The following ELMO2 variants were observed in gnomAD, a reference collection of about 807,000 sequenced individuals.
The protein encoded by ELMO2 is engulfment and cell motility protein 2.
Under a neutral mutation model 96.2 loss-of-function variants are expected in ELMO2, and 37 were observed. The observed-to-expected ratio is 0.38, with a 90% CI of 0.30 to 0.51. ELMO2 has a LOEUF of 0.51. ELMO2 is among the 20% of genes least tolerant of loss of function. The probability of loss-of-function intolerance (pLI) is 0.88; values close to 1 mark genes in which losing one functional copy is unlikely to be tolerated. For missense variants in ELMO2, 561 were observed against 912.6 expected, an observed-to-expected ratio of 0.61 and a Z score of 4.96; for synonymous variants, 315 against 329.4, an observed-to-expected ratio of 0.96 and a Z score of 0.47.
Position 46,388,950 on chromosome 20 carries a change from T to C in ELMO2, c.425+89A>G, listed in dbSNP as rs773260383. The C allele has an allele frequency of 1.2e-4, 162 of 1,400,148 alleles. 1 individual carries two copies. Among genetic ancestry groups the C allele is most frequent in the Non-Finnish European group, 1.4e-4 (147 of 1,022,280 alleles). 86.7% of individuals were successfully genotyped at this position (1,400,148 alleles called of 1,614,324 possible). A position where few individuals can be genotyped will look rare whatever the true frequency, so the allele number is the denominator to read the frequency against. ...CACAGGTGGTATTCAATAAACTCCT[T>C]ATTTGACTCAAGGGAAATGAGACTA... On this transcript the variant is annotated intron_variant, in intron 7 of 21. Transcript: ENST00000290246.
Position 46,383,405 on chromosome 20 carries a change from C to T in ELMO2, c.756+11G>A, listed in dbSNP as rs1216966612. 6.2e-7 allele frequency: 1 copy of T among 1,613,380 alleles called. No individual in the cohort carries two copies. On this transcript the variant is annotated intron_variant, in intron 10 of 21. Transcript: ENST00000290246. ...AGCCCAGATGAAAAATGTGAAAAGG[C>T]AGCCACAGACCTGTCGTTTGTCCTC...
chr20:46,367,629 T>C (rs2059611185), intron 21 of ELMO2, 69 bp from the exon 22 acceptor site: 1 of 1,318,016 alleles, frequency 7.6e-7, no homozygotes, highest in Non-Finnish European at 1.0e-6. Context: ...CCAAGGTCTC[T>C]TTTCTGATGG....
Position 46,374,358 on chromosome 20 carries a change from C to G in ELMO2, c.1253G>C (p.Cys418Ser). 1 of 1,614,146 alleles carries G rather than the reference C, an allele frequency of 6.2e-7. No individual in the cohort carries two copies. Among genetic ancestry groups the G allele is most frequent in the Non-Finnish European group, 8.5e-7 (1 of 1,180,018 alleles). The part of the protein sequence containing the change: ...RSAIELTKML[C>S]EILQVGELPN... The stretch of plus-strand genomic sequence containing the variant: ...TAGTTCCCCAACCTGCAGGATTTCA[C>G]AGAGCATTTTGGTGAGCTCAATGGC... The change falls in exon 15 of 22, where the codon TGT (cysteine) becomes TCT (serine). Residue 418 changes from cysteine to serine, a missense_variant. Cys to Ser is a moderately radical substitution (Grantham distance 112). Coordinates refer to ENST00000290246, the MANE Select transcript of ELMO2 (RefSeq NM_133171.5).
At chr20:46,384,795 C>CAA (rs1489875884) in intron 9 of ELMO2, among the ~76,000 whole-genome samples, 7 of 139,072 alleles carry the variant, frequency 5.0e-5, no homozygotes, top group African/African-American at 1.9e-4. Context: ...CCTGTCTCTA[C>CAA]AAAAATAAAA....
At chr20:46,393,868 A>T in intron 4 of ELMO2, 181 bp downstream of exon 4, 2 of 859,212 alleles carry the variant, frequency 2.3e-6, no homozygotes, top group South Asian at 1.8e-5. Flanking sequence ...AAAATTAAGA[A>T]GTATAAACGT....
Position 46,376,863 on chromosome 20 carries a change from T to A in ELMO2, c.808-1073A>T. On this transcript the variant is annotated intron_variant, in intron 11 of 21. Coordinates refer to ENST00000290246, the MANE Select transcript of ELMO2 (RefSeq NM_133171.5). Reference sequence around the variant, plus strand: ...GCAGCCACTAGCCATATGCAGCTATTTGCATTTAAATCAGTTAAAACAAAT... The same window carrying A: ...GCAGCCACTAGCCATATGCAGCTATATGCATTTAAATCAGTTAAAACAAAT... 5 of 1,208,430 alleles carry A rather than the reference T, an allele frequency of 4.1e-6. No individual in the cohort carries two copies. In the South Asian group the frequency reaches 4.3e-5, roughly 10 times the overall value. 74.9% of individuals were successfully genotyped at this position (1,208,430 alleles called of 1,614,324 possible). A position where few individuals can be genotyped will look rare whatever the true frequency, so the allele number is the denominator to read the frequency against.
chr20:46,368,374 T>A (rs1283202019), intron 21 of ELMO2, among the ~76,000 whole-genome samples: 1 of 152,068 alleles, frequency 6.6e-6, no homozygotes, highest in African/African-American at 2.4e-5. Context: ...ACCAGTTCCA[T>A]CTGGCTTCAA....
At chr20:46,405,053 G>T (rs535916959) in intron 1 of ELMO2, among the ~76,000 whole-genome samples, 233 of 152,206 alleles carry the variant, frequency 1.5e-3, no homozygotes, top group Non-Finnish European at 2.7e-3. Flanking sequence ...CTATTTATTT[G>T]GTAAATATTT....
chr20:46,406,003 A>C (rs2060432708), intron 1 of ELMO2, among the ~76,000 whole-genome samples: 1 of 152,170 alleles, frequency 6.6e-6, no homozygotes, highest in South Asian at 2.1e-4. Context: ...CCAGGCAGGA[A>C]GCGAGAGGGG....
chr20:46,372,063 T>C, intron 16 of ELMO2, 94 bp from the exon 17 acceptor site: 1 of 1,528,250 alleles, frequency 6.5e-7, no homozygotes, highest in Non-Finnish European at 8.9e-7. Flanking sequence ...TGCCCCAGGG[T>C]CTTGAGCAGG....
In ELMO2 at chr20:46,374,535, C is replaced by T; in HGVS notation, c.1170+1G>A. On this transcript the variant is annotated splice_donor_variant, in intron 14 of 21. Coordinates refer to ENST00000290246, the MANE Select transcript of ELMO2 (RefSeq NM_133171.5). LOFTEE classifies it high-confidence loss of function. Reference sequence around the variant, plus strand: ...GAGAAGGCCAGCTCCCCTGCCTTTACCCGGATGTAGGTGTCCTGGTGGACT... The same window carrying T: ...GAGAAGGCCAGCTCCCCTGCCTTTATCCGGATGTAGGTGTCCTGGTGGACT... 3 of 1,614,106 alleles carry T rather than the reference C, an allele frequency of 1.9e-6. No individual in the cohort carries two copies. The highest frequency in any genetic ancestry group is 2.5e-6 in the Non-Finnish European group (3 of 1,179,964).
intron 5 of ELMO2, 43 bp from the exon 6 acceptor site, chr20:46,393,186 TG>T: frequency 6.3e-7 from 1 of 1,583,320 alleles, no homozygotes. Flanking sequence ...TAAGATAAAA[TG>T]TTAAAGTGGT....
chr20:46,372,500 TCAC>T (rs1407255607), intron 16 of ELMO2, among the ~76,000 whole-genome samples: 21 of 152,182 alleles, frequency 1.4e-4, no homozygotes, highest in African/African-American at 5.1e-4. Flanking sequence ...GTGTGGTGGC[TCAC>T]GCCTGTAGTC....
At position 46,368,915 on chromosome 20, in the gene ELMO2, G is replaced by A. The variant is rs570449278; in HGVS notation, c.1938C>T (p.Asn646=). The change falls in exon 21 of 22, where the codon AAC becomes AAT. Residue 646 remains asparagine (N), a synonymous_variant. Coordinates refer to ENST00000290246, the MANE Select transcript of ELMO2 (RefSeq NM_133171.5). ...SILYDPDETL[N]FIAPNKYEYC... ...CCTCATATTTATTAGGTGCGATGAA[G>A]TTTAAGGTCTCATCAGGGTCATACA... 6 of 1,614,082 alleles carry A rather than the reference G, an allele frequency of 3.7e-6. No homozygotes were observed. The highest frequency in any genetic ancestry group is 2.2e-5 in the South Asian group (2 of 91,088).
At position 46,367,464 on chromosome 20, in the gene ELMO2, T is replaced by G. The variant is rs1394259728; in HGVS notation, c.2059A>C (p.Met687Leu). 1 of 1,613,640 alleles carries G rather than the reference T, an allele frequency of 6.2e-7. No individual in the cohort carries two copies. The highest frequency in any genetic ancestry group is 8.5e-7 in the Non-Finnish European group (1 of 1,179,866). ...SDLDTLLSME[M>L]KLRLLDLENI... is the part of the protein sequence containing the mutation. ...TCCAGGTCCAGGAGCCGCAGCTTCATCTCCATGCTCAGCAGGGTGTCCAGG... is the reference window on the plus strand; with the variant it reads ...TCCAGGTCCAGGAGCCGCAGCTTCAGCTCCATGCTCAGCAGGGTGTCCAGG... The change falls in exon 22 of 22, where the codon ATG (methionine) becomes CTG (leucine). Residue 687 changes from methionine to leucine, a missense_variant. Met to Leu is a conservative substitution (Grantham distance 15). Coordinates refer to ENST00000290246, the MANE Select transcript of ELMO2 (RefSeq NM_133171.5).
chr20:46,406,384 G>C (rs971189827), intron 1 of ELMO2, among the ~76,000 whole-genome samples, 164 bp downstream of exon 1: 2 of 152,084 alleles, frequency 1.3e-5, no homozygotes, highest in African/African-American at 4.8e-5. Flanking sequence ...TCGGGGGCCT[G>C]ACGAGCCGGC....
intron 1 of ELMO2, 64 bp downstream of exon 1, chr20:46,406,484 C>T (rs1421433596): frequency 6.5e-6 from 1 of 152,998 alleles, no homozygotes; most frequent in Non-Finnish European, 1.5e-5. Flanking sequence ...TTCCCTGCGT[C>T]TTTCGGGCCG....
In ELMO2 at chr20:46,371,561, T is replaced by C; in HGVS notation, c.1693+18A>G. 3 of 1,603,254 alleles carry C rather than the reference T, an allele frequency of 1.9e-6. No homozygotes were observed. Among genetic ancestry groups the C allele is most frequent in the Non-Finnish European group, 2.6e-6 (3 of 1,173,678 alleles). ...GCAGGCTCTTCCCGGCACCAAGGAT[T>C]GCCCCGTCTCCTCTCACCTTGCCTT... is the stretch of plus-strand genomic sequence containing the variant. On this transcript the variant is annotated intron_variant, in intron 18 of 21. Coordinates refer to ENST00000290246, the MANE Select transcript of ELMO2 (RefSeq NM_133171.5). The surrounding 1 kb of genome is among the most constrained non-coding windows in gnomAD (Gnocchi z 5.9).
In ELMO2 at chr20:46,371,605, C is replaced by T. The variant is rs780571140; in HGVS notation, c.1667G>A (p.Arg556Gln). The T allele has an allele frequency of 6.2e-6, 10 of 1,603,536 alleles. No individual in the cohort carries two copies. The highest frequency in any genetic ancestry group is 2.2e-5 in the South Asian group (2 of 89,704). The change falls in exon 18 of 22, where the codon CGA becomes CAA. Residue 556 changes from arginine to glutamine, a missense_variant. By Grantham distance (43) the Arg-to-Gln change is conservative. Coordinates refer to ENST00000290246, the MANE Select transcript of ELMO2 (RefSeq NM_133171.5). This position sits in a 1 kb window ranked among gnomAD's most constrained non-coding sequence, Gnocchi z 5.9. ...TTGCCTTCGGCGGTTCCCAATCTTT[C>T]GGAAGCTGCTGCCCTCACAGAGCCG... ...LNRLCEGSSF[R>Q]KIGNRRRQER...
Sources: allele counts gnomAD v4.1 joint callset (sites outside exome capture counted in the v4.1 genomes callset), GRCh38; gene constraint gnomAD v4.1.1; non-coding constraint Gnocchi (gnomAD v3.1); transcripts MANE v1.5; gene names NCBI Gene and HGNC (gene_info 2026-07-23, HGNC 2026-07-21).